HEATR5A: variants seen among roughly 807,000 people sequenced by gnomAD.
The protein encoded by HEATR5A is HEAT repeat containing 5A.
A neutral mutation model predicts 218.8 loss-of-function variants in HEATR5A; 178 were observed. That is an observed-to-expected ratio of 0.81 (90% CI 0.72 to 0.92). The LOEUF is 0.92. Ranked by LOEUF, HEATR5A falls within the 40% of genes least tolerant of loss-of-function variation. The pLI, the probability that HEATR5A is intolerant of heterozygous loss-of-function variation, is 0.00. For synonymous variants in HEATR5A, 864 were observed against 871.6 expected, an observed-to-expected ratio of 0.99 and a Z score of 0.15; for missense variants, 2,420 against 2,418.9, an observed-to-expected ratio of 1.00 and a Z score of -0.01.
chr14:31,395,191 C>T lies in HEATR5A; in HGVS notation c.597+8G>A. 1 of 1,490,500 alleles carries T rather than the reference C, an allele frequency of 6.7e-7. No individual in the cohort carries two copies. 92.3% of individuals were successfully genotyped at this position (1,490,500 alleles called of 1,614,324 possible). On this transcript the variant is annotated splice_region_variant and intron_variant, in intron 5 of 35. Transcript: ENST00000543095. ...AATTTTTAAAGTCTGCTTATTAGAT[C>T]ATTTTACCTTTGCAGCAGCACAACG...
chr14:31,400,563 T>A, intron 2 of HEATR5A, 51 bp from the exon 3 acceptor site: 5 of 1,156,902 alleles, frequency 4.3e-6, no homozygotes, highest in Non-Finnish European at 6.0e-6. Context: ...TAATTATCTG[T>A]AATCCCCTAA....
At chr14:31,406,160 C>T (rs973564752) in intron 1 of HEATR5A, among the ~76,000 whole-genome samples, 8 of 152,110 alleles carry the variant, frequency 5.3e-5, no homozygotes, top group African/African-American at 1.7e-4. Context: ...ATCTGCTATA[C>T]GTTTTAAAAT....
chr14:31,307,216 ACAGT>A (rs1279427950), intron 30 of HEATR5A, among the ~76,000 whole-genome samples: 1 of 152,202 alleles, frequency 6.6e-6, no homozygotes, highest in Non-Finnish European at 1.5e-5. Context: ...TAAATAATAG[ACAGT>A]CTTTGCAGAG....
In HEATR5A at chr14:31,293,287, A is replaced by G. The variant is rs1341816850; in HGVS notation, c.*18T>C. 1.6e-5 allele frequency: 25 copies of G among 1,556,610 alleles called. No individual in the cohort carries two copies. In the East Asian group the frequency reaches 5.6e-4, roughly 35 times the overall value. ...AAGTATTTATTATATTAAGGTGCTTACTATTCCAAAAAAAAAATCAGAGGA... is the reference window on the plus strand; with the variant it reads ...AAGTATTTATTATATTAAGGTGCTTGCTATTCCAAAAAAAAAATCAGAGGA... On this transcript the variant is annotated 3_prime_UTR_variant, in exon 36 of 36. Coordinates refer to ENST00000543095, the MANE Select transcript of HEATR5A (RefSeq NM_015473.4).
At chr14:31,313,825 T>C (rs900222717) in intron 27 of HEATR5A, among the ~76,000 whole-genome samples, 1 of 152,246 alleles carries the variant, frequency 6.6e-6, no homozygotes, top group Non-Finnish European at 1.5e-5. Flanking sequence ...ATAGATTCTA[T>C]GGTATTGCCC....
chr14:31,343,332 G>T lies in HEATR5A; in HGVS notation c.3228+564C>A, dbSNP rs1334256077. On this transcript the variant is annotated intron_variant, in intron 21 of 35. Transcript: ENST00000543095. ...GATCTGCCCACCTTGGCCTCCCAAA[G>T]TGCTGGGATTACAGGCATGAGCCAC... Among the ~76,000 whole-genome samples, 4 of 152,268 alleles carry T rather than the reference G, an allele frequency of 2.6e-5. No homozygotes were observed. In the East Asian group the frequency reaches 5.8e-4, roughly 22 times the overall value.
intron 10 of HEATR5A, among the ~76,000 whole-genome samples, chr14:31,381,561 A>G (rs1321776883): frequency 1.4e-5 from 2 of 141,758 alleles, no homozygotes; most frequent in South Asian, 2.2e-4. Flanking sequence ...CTCCTTGGAA[A>G]AAAAAAAAAA....
intron 2 of HEATR5A, among the ~76,000 whole-genome samples, chr14:31,400,832 A>T (rs537490167): frequency 8.3e-6 from 1 of 119,880 alleles, no homozygotes; most frequent in Admixed American, 1.1e-4. Context: ...AATTTGTATT[A>T]TTATTATTAT....
intron 21 of HEATR5A, among the ~76,000 whole-genome samples, chr14:31,338,625 T>C (rs367756969): frequency 3.9e-5 from 6 of 152,222 alleles, no homozygotes; most frequent in Admixed American, 2.0e-4. Flanking sequence ...ATCAGTCTGG[T>C]ATGTTCTACA....
Position 31,293,501 on chromosome 14 carries a change from T to G in HEATR5A, c.5945A>C (p.Gln1982Pro). The G allele has an allele frequency of 1.9e-6, 3 of 1,613,928 alleles. No individual in the cohort carries two copies. Among genetic ancestry groups the G allele is most frequent in the Non-Finnish European group, 2.5e-6 (3 of 1,179,814 alleles). ...IMRNLHDFALQNLMQIGPQYS... is the reference protein window; with the variant it reads ...IMRNLHDFALPNLMQIGPQYS... ...CTGAGGTCCAATTTGCATGAGATTT[T>G]GTAGAGCAAAGTCATGTAAATTTCT... is the stretch of plus-strand genomic sequence containing the variant. The change falls in exon 36 of 36, where the codon CAA becomes CCA. Residue 1982 changes from glutamine to proline, a missense_variant. Physicochemically the swap from Gln to Pro is moderately conservative, Grantham distance 76 (BLOSUM62 -1). Coordinates refer to ENST00000543095, the MANE Select transcript of HEATR5A (RefSeq NM_015473.4).
chr14:31,378,520 G>A (rs924604837), intron 11 of HEATR5A, among the ~76,000 whole-genome samples: 1 of 152,136 alleles, frequency 6.6e-6, no homozygotes, highest in Non-Finnish European at 1.5e-5. Context: ...AGGTGCGGTG[G>A]CTCACGCCTG....
chr14:31,311,616 C>T (rs565517431), intron 28 of HEATR5A, among the ~76,000 whole-genome samples: 21 of 151,968 alleles, frequency 1.4e-4, no homozygotes, highest in Middle Eastern at 3.4e-3. Flanking sequence ...GGACAAGTTA[C>T]AGACTGAGAG....
intron 27 of HEATR5A, among the ~76,000 whole-genome samples, chr14:31,314,852 C>A (rs1899866147): frequency 6.6e-6 from 1 of 152,140 alleles, no homozygotes; most frequent in South Asian, 2.1e-4. Context: ...TAGATGAAAT[C>A]TGAGATTACA....
At chr14:31,307,695 G>A (rs1271781297) in intron 30 of HEATR5A, among the ~76,000 whole-genome samples, 198 bp downstream of exon 30, 1 of 152,150 alleles carries the variant, frequency 6.6e-6, no homozygotes, top group Non-Finnish European at 1.5e-5. Flanking sequence ...ACAGAAAAGC[G>A]GCAGAGTAAG....
Position 31,371,912 on chromosome 14 carries a change from GA to G in HEATR5A, c.1862-4del. On this transcript the variant is annotated splice_region_variant and splice_polypyrimidine_tract_variant and intron_variant, in intron 12 of 35. Transcript: ENST00000543095. ...GTGGGAAACAAAGCTCTTGATAGCT[GA>G]AAAGGAAAACAGACTTTTACTTGGG... 1.4e-6 allele frequency: 2 copies of G among 1,468,944 alleles called. No individual in the cohort carries two copies. Among genetic ancestry groups the G allele is most frequent in the East Asian group, 2.5e-5 (1 of 39,640 alleles). The allele number at this position is 1,468,944 out of a possible 1,614,324, so 91.0% of individuals were successfully genotyped here.
At chr14:31,369,745 T>C (rs1270723325) in intron 13 of HEATR5A, among the ~76,000 whole-genome samples, 2 of 147,420 alleles carry the variant, frequency 1.4e-5, no homozygotes, top group African/African-American at 2.5e-5. Context: ...CTGGTCAACA[T>C]GGTGAAACTC....
chr14:31,336,217 C>CATATATATATAT (rs3033610), intron 22 of HEATR5A, among the ~76,000 whole-genome samples: 12 of 38,190 alleles, frequency 3.1e-4, no homozygotes, highest in Admixed American at 4.1e-4. Flanking sequence ...TACATACATA[C>CATATATATATAT]ATATATATAT....
chr14:31,414,273 G>A (rs1342246227), intron 1 of HEATR5A, among the ~76,000 whole-genome samples: 2 of 152,142 alleles, frequency 1.3e-5, no homozygotes, highest in African/African-American at 2.4e-5. Flanking sequence ...ACCTAACTGA[G>A]ATTCCAGTAA....
rs1236611460 is a variant in HEATR5A at position 31,292,195 on chromosome 14, AT to A, written c.*1109del. ...CTAAATTTGTTGTACTAAATTTGGC[AT>A]TTATATAAACCCATAGTTGATCTAA... On this transcript the variant is annotated 3_prime_UTR_variant, in exon 36 of 36. Coordinates refer to ENST00000543095, the MANE Select transcript of HEATR5A (RefSeq NM_015473.4). 3.3e-5 allele frequency: 5 copies of A among 152,242 alleles called. No homozygotes were observed. Among genetic ancestry groups the A allele is most frequent in the Admixed American group, 1.3e-4 (2 of 15,280 alleles). 9.4% of individuals were successfully genotyped at this position (152,242 alleles called of 1,614,324 possible).
Sources: allele counts gnomAD v4.1 joint callset (sites outside exome capture counted in the v4.1 genomes callset), GRCh38; gene constraint gnomAD v4.1.1; transcripts MANE v1.5; gene names NCBI Gene and HGNC (gene_info 2026-07-23, HGNC 2026-07-21).